Variants in PRIM2 observed in about 807,000 individuals in gnomAD.
PRIM2 encodes the protein DNA primase subunit 2.
Under a neutral mutation model 67.3 loss-of-function variants are expected in PRIM2, and 39 were observed. That is an observed-to-expected ratio of 0.58 (90% CI 0.45 to 0.76). The LOEUF (loss-of-function observed/expected upper bound fraction) is 0.76. PRIM2 is among the 30% of genes least tolerant of loss of function. The pLI is 0.00. For synonymous variants in PRIM2, 143 were observed against 198.7 expected (o/e 0.72, Z 2.36); for missense variants, 398 against 598.7 (o/e 0.66, Z 3.50).
chr6:57,377,401 G>A (rs536789914), intron 5 of PRIM2, among the ~76,000 whole-genome samples: 1 of 151,142 alleles, frequency 6.6e-6, no homozygotes, highest in African/African-American at 2.4e-5. Context: ...TGTTACTGTT[G>A]TATGCTGGAG....
the PRIM2 span, among the ~76,000 whole-genome samples, chr6:57,274,007 C>A: frequency 1.7e-4 from 26 of 152,276 alleles, no homozygotes; most frequent in African/African-American, 6.3e-4. Context: ...CCGAGGAGTA[C>A]CCGGCCGTGT....
At chr6:57,493,021 C>CA (rs1773931680) in intron 7 of PRIM2, among the ~76,000 whole-genome samples, 2 of 152,198 alleles carry the variant, frequency 1.3e-5, no homozygotes, top group South Asian at 2.1e-4. Context: ...CATAAATCTA[C>CA]AAAAAGTTCT....
At chr6:57,616,336 A>T (rs1776757234) in intron 12 of PRIM2, among the ~76,000 whole-genome samples, 1 of 152,182 alleles carries the variant, frequency 6.6e-6, no homozygotes, top group South Asian at 2.1e-4. Context: ...AACTGCTCAG[A>T]ACCATAGAAC....
At chr6:57,403,317 C>A (rs577422528) in intron 7 of PRIM2, among the ~76,000 whole-genome samples, 1 of 140,704 alleles carries the variant, frequency 7.1e-6, no homozygotes, top group Non-Finnish European at 1.5e-5. Context: ...AGTGCAGTGG[C>A]GCGAACTCGG....
chr6:57,490,879 G>A (rs1773872891), intron 7 of PRIM2, among the ~76,000 whole-genome samples: 1 of 152,192 alleles, frequency 6.6e-6, no homozygotes, highest in African/African-American at 2.4e-5. Context: ...TGGGATTACA[G>A]GTGTGAGTCA....
chr6:57,371,934 A>G (rs1353613728), intron 5 of PRIM2, among the ~76,000 whole-genome samples: 1 of 152,254 alleles, frequency 6.6e-6, no homozygotes, highest in Admixed American at 6.5e-5. Context: ...TAAATAGTCA[A>G]TTAAGTAGAA....
intron 7 of PRIM2, among the ~76,000 whole-genome samples, chr6:57,492,695 T>C (rs1773925395): frequency 6.6e-6 from 1 of 152,230 alleles, no homozygotes; most frequent in Non-Finnish European, 1.5e-5. Context: ...GCTAAGTCTT[T>C]GAAATTTTGT....
the PRIM2 span, among the ~76,000 whole-genome samples, chr6:57,291,273 C>T: frequency 6.6e-6 from 1 of 151,900 alleles, no homozygotes; most frequent in Non-Finnish European, 1.5e-5. Flanking sequence ...ATTCCTGGAC[C>T]CATACACCCT....
At chr6:57,592,043 T>C (rs1776290364) in intron 10 of PRIM2, among the ~76,000 whole-genome samples, 1 of 152,130 alleles carries the variant, frequency 6.6e-6, no homozygotes, top group South Asian at 2.1e-4. Flanking sequence ...CTGGAGGTCA[T>C]TAACCTAAGT....
At chr6:57,447,178 G>C (rs574776970) in intron 7 of PRIM2, among the ~76,000 whole-genome samples, 34 of 152,318 alleles carry the variant, frequency 2.2e-4, no homozygotes, top group African/African-American at 7.9e-4. Context: ...CTTTGGTTTT[G>C]TTGTAGGTCT....
intron 10 of PRIM2, among the ~76,000 whole-genome samples, chr6:57,546,237 T>C (rs1369244016): frequency 4.6e-5 from 7 of 152,246 alleles, no homozygotes; most frequent in African/African-American, 2.4e-5. Context: ...ACATTGATTT[T>C]TAAGAAACTA....
intron 6 of PRIM2, among the ~76,000 whole-genome samples, chr6:57,380,981 C>G (rs1581846388): frequency 6.6e-6 from 1 of 151,188 alleles, no homozygotes; most frequent in Non-Finnish European, 1.5e-5. Flanking sequence ...ATTAAATTCA[C>G]CAAATAAGTC....
chr6:57,324,117 C>T lies in PRIM2; in HGVS notation c.259-84C>T, dbSNP rs1767757167. 4 of 718,210 alleles carry T rather than the reference C, an allele frequency of 5.6e-6. No individual in the cohort carries two copies. The South Asian group carries it at 6.9e-5, about 12-fold the overall frequency. The allele number at this position is 718,210 out of a possible 1,614,324, so 44.5% of individuals were successfully genotyped here. A position where few individuals can be genotyped will look rare whatever the true frequency, so the allele number is the denominator to read the frequency against. On this transcript the variant is annotated intron_variant, in intron 3 of 13. Transcript: ENST00000615550. ...GAAATGTTTTTGAAACTTACTTTAC[C>T]ATTGGCTTAGGCTGGCTCAGTATTT...
chr6:57,386,417 C>CA (rs71299586), intron 7 of PRIM2, among the ~76,000 whole-genome samples: 6,285 of 53,154 alleles, frequency 0.12, 276 homozygotes, highest in African/African-American at 0.14. Context: ...TACCCTGTCT[C>CA]AAAAAAAAAA....
the PRIM2 span, among the ~76,000 whole-genome samples, chr6:57,253,326 G>C: frequency 1.3e-5 from 2 of 152,318 alleles, no homozygotes; most frequent in East Asian, 1.9e-4. Flanking sequence ...GTTTGGATCA[G>C]AGCAAGGAGG....
chr6:57,307,814 T>C, the PRIM2 span, among the ~76,000 whole-genome samples: 1 of 152,286 alleles, frequency 6.6e-6, no homozygotes, highest in African/African-American at 2.4e-5. Context: ...CTTCTTCCTA[T>C]TTCCTTTTGG....
chr6:57,578,142 T>TG (rs1361885847), intron 10 of PRIM2, among the ~76,000 whole-genome samples: 1 of 152,228 alleles, frequency 6.6e-6, no homozygotes, highest in Non-Finnish European at 1.5e-5. Flanking sequence ...ACAGGCGTGA[T>TG]GTTCGCTTCT....
intron 7 of PRIM2, among the ~76,000 whole-genome samples, chr6:57,462,699 A>T (rs1421851949): frequency 6.6e-6 from 1 of 152,146 alleles, no homozygotes; most frequent in African/African-American, 2.4e-5. Flanking sequence ...TGCTGTCTCG[A>T]CTGTGTCTTC....
chr6:57,610,194 A>G lies in PRIM2; in HGVS notation c.1230+3737A>G, dbSNP rs1224978615. On this transcript the variant is annotated intron_variant, in intron 12 of 13. Coordinates refer to ENST00000615550, the MANE Select transcript of PRIM2 (RefSeq NM_000947.5). Reference sequence around the variant, plus strand: ...AGTGATTCTCCCGCCTCAGCATCCCAAGTAGCTGGCATTACAGGCACCCTT... The same window carrying G: ...AGTGATTCTCCCGCCTCAGCATCCCGAGTAGCTGGCATTACAGGCACCCTT... Among the ~76,000 whole-genome samples the G allele has an allele frequency of 1.5e-4, 23 of 152,204 alleles. No individual in the cohort carries two copies. The East Asian group carries it at 2.7e-3, about 18-fold the overall frequency.
Sources: allele counts gnomAD v4.1 joint callset (sites outside exome capture counted in the v4.1 genomes callset), GRCh38; gene constraint gnomAD v4.1.1; transcripts MANE v1.5; gene names NCBI Gene and HGNC (gene_info 2026-07-23, HGNC 2026-07-21).